The following ABI2 variants were observed in gnomAD, a reference collection of about 807,000 sequenced individuals.
ABI2 encodes abelson interactor 2.
A neutral mutation model predicts 59.2 loss-of-function variants in ABI2; 25 were observed. The ratio of observed to expected loss-of-function variants is 0.42; its 90% CI spans 0.31 to 0.59. The LOEUF is 0.59. Ranked by LOEUF, ABI2 falls within the 20% of genes least tolerant of loss-of-function variation. The pLI, the probability that ABI2 is intolerant of heterozygous loss-of-function variation, is 0.14. For missense variants in ABI2, 545 were observed against 681.8 expected (o/e 0.80, Z 2.23); for synonymous variants, 213 against 235.5 (o/e 0.90, Z 0.87).
chr2:203,384,309 T>TGTTTTTTTTTG (rs1559289603), intron 4 of ABI2, among the ~76,000 whole-genome samples: 6 of 140,308 alleles, frequency 4.3e-5, no homozygotes, highest in African/African-American at 1.6e-4. Flanking sequence ...TTTTTTTTTT[T>TGTTTTTTTTTG]TTTTTTTTTT....
intron 8 of ABI2, among the ~76,000 whole-genome samples, chr2:203,401,551 T>G (rs189879364): frequency 7.9e-5 from 12 of 152,298 alleles, no homozygotes; most frequent in Non-Finnish European, 1.5e-4. Context: ...ACATTAGCTG[T>G]GGAAGAACTC....
intron 1 of ABI2, among the ~76,000 whole-genome samples, chr2:203,356,976 G>A (rs1487074280): frequency 1.3e-5 from 2 of 151,950 alleles, no homozygotes; most frequent in African/African-American, 4.8e-5. Context: ...GAATGTTAAA[G>A]GCAAATGAGT....
chr2:203,330,151 A>AT (rs1401751815), intron 1 of ABI2, among the ~76,000 whole-genome samples: 3 of 152,016 alleles, frequency 2.0e-5, no homozygotes, highest in Non-Finnish European at 4.4e-5. Context: ...CGGAAGTGAG[A>AT]TTTTGTTTGA....
intron 4 of ABI2, among the ~76,000 whole-genome samples, chr2:203,384,920 C>T (rs190333968): frequency 4.6e-5 from 7 of 151,380 alleles, no homozygotes; most frequent in East Asian, 1.9e-4. Context: ...CTGCAACCTC[C>T]GCCTCCCGGG....
intron 1 of ABI2, among the ~76,000 whole-genome samples, chr2:203,346,545 G>A (rs906798284): frequency 3.9e-5 from 6 of 152,218 alleles, no homozygotes; most frequent in African/African-American, 1.4e-4. Context: ...GTTTTCCCTT[G>A]TCATAATTCC....
At chr2:203,408,855 G>A (rs1289898033) in intron 9 of ABI2, among the ~76,000 whole-genome samples, 3 of 13,904 alleles carry the variant, frequency 2.2e-4, no homozygotes, top group Non-Finnish European at 9.1e-4. Context: ...TTTTTGAGAC[G>A]GAGTCTCGCT....
chr2:203,350,885 TGTGTGTGC>T (rs1220156775), intron 1 of ABI2, among the ~76,000 whole-genome samples: 1,284 of 117,448 alleles, frequency 0.011, 19 homozygotes, highest in African/African-American at 0.032. Flanking sequence ...TGTGTGTGTG[TGTGTGTGC>T]GCGCGCGCAT....
intron 4 of ABI2, among the ~76,000 whole-genome samples, chr2:203,382,599 C>T (rs2096209493): frequency 6.6e-6 from 1 of 152,040 alleles, no homozygotes; most frequent in Admixed American, 6.6e-5. Context: ...AATTGGAGGG[C>T]CAATTAATGT....
chr2:203,339,580 C>CAAA (rs943110280), intron 1 of ABI2, among the ~76,000 whole-genome samples: 1 of 59,112 alleles, frequency 1.7e-5, no homozygotes, highest in Non-Finnish European at 3.5e-5. Context: ...GACTCCGTCT[C>CAAA]AAAAAAAAAA....
Position 203,427,279 on chromosome 2 carries a change from A to C in ABI2, c.1556A>C (p.Glu519Ala), listed in dbSNP as rs1318887932. Reference protein sequence around the residue: ...VIKKNDDGWYEGVMNGVTGLF... With the variant: ...VIKKNDDGWYAGVMNGVTGLF... ...AAGAAGAATGACGATGGTTGGTATG[A>C]GGGAGTTATGAATGGAGTGACTGGG... is the stretch of plus-strand genomic sequence containing the variant. The change falls in exon 12 of 12, where the codon GAG (glutamate) becomes GCG (alanine). Residue 519 changes from glutamate to alanine, a missense_variant. Coordinates refer to ENST00000261018, the MANE Select transcript of ABI2 (RefSeq NM_001375670.1). The C allele has an allele frequency of 6.2e-7, 1 of 1,613,880 alleles. No homozygotes were observed.
intron 4 of ABI2, among the ~76,000 whole-genome samples, chr2:203,385,152 T>TTTTTTTTTTTTTTG (rs71007511): frequency 1.9e-5 from 1 of 51,840 alleles, no homozygotes; most frequent in Non-Finnish European, 5.6e-5. Flanking sequence ...TTTTTTTTTT[T>TTTTTTTTTTTTTTG]GAGACAGTCT....
intron 1 of ABI2, among the ~76,000 whole-genome samples, chr2:203,351,381 G>C (rs1172857400): frequency 1.3e-5 from 2 of 152,118 alleles, no homozygotes; most frequent in Non-Finnish European, 2.9e-5. Flanking sequence ...AAAGGCAGCT[G>C]GGATTTTGAC....
intron 5 of ABI2, among the ~76,000 whole-genome samples, chr2:203,391,944 C>G (rs1002369980): frequency 1.3e-5 from 2 of 151,928 alleles, no homozygotes; most frequent in African/African-American, 4.8e-5. Flanking sequence ...TCTAGAGCAT[C>G]GTATTATAAA....
chr2:203,404,372 A>C (rs947815444), intron 9 of ABI2, among the ~76,000 whole-genome samples: 1 of 152,216 alleles, frequency 6.6e-6, no homozygotes, highest in Non-Finnish European at 1.5e-5. Context: ...CTTAATTGAT[A>C]TATACTTCCC....
At chr2:203,421,737 C>T (rs1216295502) in intron 11 of ABI2, among the ~76,000 whole-genome samples, 1 of 151,894 alleles carries the variant, frequency 6.6e-6, no homozygotes, top group Non-Finnish European at 1.5e-5. Flanking sequence ...GAGGCCAAGG[C>T]CGGCAGATGA....
At chr2:203,329,672 T>C (rs987157419) in intron 1 of ABI2, among the ~76,000 whole-genome samples, 1 of 151,916 alleles carries the variant, frequency 6.6e-6, no homozygotes, top group Non-Finnish European at 1.5e-5. Context: ...TGTTAAACTG[T>C]TTCTTCACAG....
At chr2:203,382,102 TC>T in intron 3 of ABI2, 86 bp from the exon 4 acceptor site, 1 of 1,159,760 alleles carries the variant, frequency 8.6e-7, no homozygotes, top group Non-Finnish European at 1.2e-6. Flanking sequence ...TTTCTTTTTT[TC>T]CTTTCTCTTC....
In ABI2 at chr2:203,346,338, A is replaced by ATGTT. The variant is rs202078297; in HGVS notation, c.117+17723_117+17726dup. ...TTTTTGCTAACAACCACAAAAGACT[A>ATGTT]TGTTTGTTTGTTTGTTTGTATATTA... On this transcript the variant is annotated intron_variant, in intron 1 of 11. Coordinates refer to ENST00000261018, the MANE Select transcript of ABI2 (RefSeq NM_001375670.1). 1.2e-4 allele frequency among the ~76,000 whole-genome samples: 19 copies of ATGTT among 152,238 alleles called. No homozygotes were observed. The East Asian group carries it at 1.5e-3, about 12-fold the overall frequency.
chr2:203,374,797 C>A (rs1322388570), intron 2 of ABI2: 1 of 453,962 alleles, frequency 2.2e-6, no homozygotes, highest in Non-Finnish European at 4.4e-6. Flanking sequence ...TTGGGTTAAT[C>A]CACTGTAACT....
Sources: allele counts gnomAD v4.1 joint callset (sites outside exome capture counted in the v4.1 genomes callset), GRCh38; gene constraint gnomAD v4.1.1; transcripts MANE v1.5; gene names NCBI Gene and HGNC (gene_info 2026-07-23, HGNC 2026-07-21).